The following NOS1AP variants were observed in gnomAD, a reference collection of about 807,000 sequenced individuals.
The protein encoded by NOS1AP is nitric oxide synthase 1 adaptor protein.
A neutral mutation model predicts 56.2 loss-of-function variants in NOS1AP; 21 were observed. The ratio of observed to expected loss-of-function variants is 0.37; its 90% confidence interval spans 0.26 to 0.54. The LOEUF (loss-of-function observed/expected upper bound fraction) is 0.54, where lower values mean the gene tolerates loss of function less well. Ranked by LOEUF, NOS1AP falls within the 20% of genes least tolerant of loss-of-function variation. The pLI is 0.84. For missense variants in NOS1AP, 522 were observed against 657.8 expected, an observed-to-expected ratio of 0.79 and a Z score of 2.26; for synonymous variants, 270 against 274.6, an observed-to-expected ratio of 0.98 and a Z score of 0.17.
At chr1:162,217,627 A>G (rs566276554) in intron 2 of NOS1AP, among the ~76,000 whole-genome samples, 1 of 152,268 alleles carries the variant, frequency 6.6e-6, no homozygotes, top group East Asian at 1.9e-4. Context: ...CCCAATTATC[A>G]TGGGTGCCAG....
chr1:162,334,169 C>T (rs1656865078), intron 5 of NOS1AP, among the ~76,000 whole-genome samples: 1 of 152,168 alleles, frequency 6.6e-6, no homozygotes, highest in South Asian at 2.1e-4. Flanking sequence ...CTATTCCCTA[C>T]CCTAGCTCCA....
intron 5 of NOS1AP, among the ~76,000 whole-genome samples, chr1:162,343,483 C>G (rs573419170): frequency 6.6e-6 from 1 of 152,282 alleles, no homozygotes; most frequent in African/African-American, 2.4e-5. Context: ...AAATGATAGC[C>G]GAGTTCCTCT....
In NOS1AP at chr1:162,368,447, A is replaced by AAAAAAAAAAG. The variant is rs1553210804; in HGVS notation, c.*984_*985insAAAAAGAAAA. On this transcript the variant is annotated 3_prime_UTR_variant, in exon 10 of 10. Coordinates refer to ENST00000361897, the MANE Select transcript of NOS1AP (RefSeq NM_014697.3). ...TGGTCAGTTTTTACTGCAAAAAAAA[A>AAAAAAAAAAG]AAAAGAAAAAAGAGAAAGAAAAAAA... The AAAAAAAAAAG allele has an allele frequency of 2.2e-5, 3 of 137,174 alleles. No individual in the cohort carries two copies. The highest frequency in any genetic ancestry group is 7.6e-5 in the African/African-American group (3 of 39,482). 8.5% of individuals were successfully genotyped at this position (137,174 alleles called of 1,614,324 possible).
chr1:162,223,198 G>T (rs953717953), intron 2 of NOS1AP, among the ~76,000 whole-genome samples: 4 of 152,160 alleles, frequency 2.6e-5, no homozygotes, highest in Non-Finnish European at 4.4e-5. Flanking sequence ...AGAATGGAGA[G>T]AATCTAGTTA....
chr1:162,095,776 T>A (rs914050420), intron 1 of NOS1AP, among the ~76,000 whole-genome samples: 13 of 152,202 alleles, frequency 8.5e-5, no homozygotes, highest in Non-Finnish European at 1.3e-4. Flanking sequence ...ACTGAGCAAG[T>A]CACTTAATCT....
chr1:162,123,793 A>T (rs1313406338), intron 1 of NOS1AP, among the ~76,000 whole-genome samples: 2 of 152,172 alleles, frequency 1.3e-5, no homozygotes, highest in Admixed American at 6.5e-5. Flanking sequence ...CTATATACAC[A>T]CACACATTGT....
chr1:162,228,638 C>T (rs1211502857), intron 2 of NOS1AP, among the ~76,000 whole-genome samples: 3 of 152,202 alleles, frequency 2.0e-5, no homozygotes, highest in African/African-American at 7.2e-5. Context: ...AATAGACCAG[C>T]GCCCAGCAAG....
chr1:162,221,899 A>G (rs931627853), intron 2 of NOS1AP, among the ~76,000 whole-genome samples: 5 of 152,180 alleles, frequency 3.3e-5, no homozygotes, highest in Admixed American at 3.3e-4. Context: ...ATATGCAGAC[A>G]CCTGTACTCC....
intron 5 of NOS1AP, chr1:162,338,520 A>C (rs1657008439): frequency 6.6e-6 from 1 of 152,242 alleles, no homozygotes; most frequent in Non-Finnish European, 1.5e-5. Context: ...TTATCAAATC[A>C]GCTATAGAAT....
At chr1:162,086,184 A>G (rs957226606) in intron 1 of NOS1AP, among the ~76,000 whole-genome samples, 16 of 152,218 alleles carry the variant, frequency 1.1e-4, no homozygotes, top group African/African-American at 3.1e-4. Flanking sequence ...TGGCTTTGGA[A>G]GGGGTATTTC....
chr1:162,248,092 G>A (rs1443662490), intron 2 of NOS1AP, among the ~76,000 whole-genome samples: 3 of 151,828 alleles, frequency 2.0e-5, no homozygotes, highest in Admixed American at 2.0e-4. Flanking sequence ...AAACCAGCCT[G>A]GACAACACAA....
intron 4 of NOS1AP, among the ~76,000 whole-genome samples, chr1:162,332,432 G>A (rs1430163115): frequency 6.6e-6 from 1 of 152,132 alleles, no homozygotes; most frequent in Non-Finnish European, 1.5e-5. Context: ...TGTGACCCTG[G>A]CTGCTGGGAT....
intron 8 of NOS1AP, chr1:162,362,855 A>G (rs1334371485): frequency 3.3e-6 from 2 of 599,578 alleles, no homozygotes; most frequent in African/African-American, 4.0e-5. Flanking sequence ...TCCAAAGAGG[A>G]GAAAACCTTA....
intron 1 of NOS1AP, among the ~76,000 whole-genome samples, chr1:162,089,587 A>T (rs1692083022): frequency 6.6e-6 from 1 of 152,208 alleles, no homozygotes; most frequent in African/African-American, 2.4e-5. Flanking sequence ...TGTATATGTG[A>T]TTAAGTTTAG....
intron 2 of NOS1AP, among the ~76,000 whole-genome samples, chr1:162,250,772 G>C (rs1049309254): frequency 5.3e-5 from 8 of 152,178 alleles, no homozygotes; most frequent in Non-Finnish European, 8.8e-5. Context: ...CATGCGAAGA[G>C]TGTGTGAGAC....
chr1:162,177,185 G>A (rs954593116), intron 2 of NOS1AP, among the ~76,000 whole-genome samples: 1 of 152,192 alleles, frequency 6.6e-6, no homozygotes, highest in African/African-American at 2.4e-5. Flanking sequence ...GTGATATGGG[G>A]GAGGAGGGTG....
At chr1:162,300,595 C>T in intron 3 of NOS1AP, 38 bp from the exon 4 acceptor site, 7 of 1,556,126 alleles carry the variant, frequency 4.5e-6, no homozygotes, top group Non-Finnish European at 6.2e-6. Flanking sequence ...GTGCCCTGGT[C>T]CTGTAACTGA....
At chr1:162,208,065 A>G (rs541014409) in intron 2 of NOS1AP, among the ~76,000 whole-genome samples, 7 of 152,278 alleles carry the variant, frequency 4.6e-5, no homozygotes, top group Non-Finnish European at 8.8e-5. Flanking sequence ...CCAGCTGGCT[A>G]TGATGCGGGA....
intron 2 of NOS1AP, among the ~76,000 whole-genome samples, chr1:162,192,378 T>C (rs1651673501): frequency 6.6e-6 from 1 of 152,140 alleles, no homozygotes; most frequent in African/African-American, 2.4e-5. Context: ...AAAGGGATGA[T>C]GTATGGGTTT....
Sources: allele counts gnomAD v4.1 joint callset (sites outside exome capture counted in the v4.1 genomes callset), GRCh38; gene constraint gnomAD v4.1.1; transcripts MANE v1.5; gene names NCBI Gene and HGNC (gene_info 2026-07-23, HGNC 2026-07-21).